CCDC3: variants seen among roughly 807,000 people sequenced by gnomAD.
The protein encoded by CCDC3 is coiled-coil domain containing 3, also known as coiled-coil domain-containing protein 3.
Under a neutral mutation model 21.4 loss-of-function variants are expected in CCDC3, and 24 were observed. The ratio of observed to expected loss-of-function variants is 1.12; its 90% CI spans 0.81 to 1.58. The LOEUF (loss-of-function observed/expected upper bound fraction) is 1.58. Ranked by LOEUF, CCDC3 falls within the 40% of genes most tolerant of loss-of-function variation. The pLI, the probability that CCDC3 is intolerant of heterozygous loss-of-function variation, is 0.00. For missense variants in CCDC3, 425 were observed against 360.9 expected (o/e 1.18, Z -1.44); for synonymous variants, 186 against 166.0 (o/e 1.12, Z -0.93).
intron 4 of CCDC3, among the ~76,000 whole-genome samples, chr10:13,054,017 T>C (rs1004697813): frequency 1.3e-5 from 2 of 151,942 alleles, no homozygotes; most frequent in African/African-American, 4.8e-5. Flanking sequence ...TGGTGGTGCA[T>C]GCCTGTAATC....
intron 2 of CCDC3, among the ~76,000 whole-genome samples, chr10:12,944,423 C>T (rs1403932022): frequency 6.6e-6 from 1 of 152,200 alleles, no homozygotes; most frequent in Non-Finnish European, 1.5e-5. Context: ...AACTGCCAAT[C>T]AGGAAATGTT....
chr10:13,074,797 T>C (rs577693292), intron 3 of CCDC3, among the ~76,000 whole-genome samples: 1 of 152,328 alleles, frequency 6.6e-6, no homozygotes, highest in African/African-American at 2.4e-5. Flanking sequence ...GTGTTCCTGT[T>C]ATTCCACAAT....
At chr10:13,087,578 G>A (rs948515942) in intron 3 of CCDC3, among the ~76,000 whole-genome samples, 2 of 152,060 alleles carry the variant, frequency 1.3e-5, no homozygotes, top group Non-Finnish European at 2.9e-5. Flanking sequence ...ATGGGCGGGT[G>A]AGATCGAAGC....
chr10:12,971,081 GA>G (rs1835335703), intron 2 of CCDC3, among the ~76,000 whole-genome samples: 1 of 152,176 alleles, frequency 6.6e-6, no homozygotes, highest in Non-Finnish European at 1.5e-5. Flanking sequence ...TTGAAGGGAA[GA>G]AAAGCCTTAT....
rs72777432 is a variant in CCDC3, at chr10:12,959,563, C to G, written c.549+38775G>C. Among the ~76,000 whole-genome samples, 600 of 152,278 alleles carry G rather than the reference C, an allele frequency of 3.9e-3. 2 individuals carry two copies. Among genetic ancestry groups the G allele is most frequent in the Non-Finnish European group, 6.3e-3 (427 of 68,016 alleles). On this transcript the variant is annotated intron_variant, in intron 2 of 2. Coordinates refer to ENST00000378825, the MANE Select transcript of CCDC3 (RefSeq NM_031455.4). ...AATTACTAATTACCCAAATACTCCTCTATTTGTGTAGTCAGGGGTCAGGGT... is the reference window on the plus strand; with the variant it reads ...AATTACTAATTACCCAAATACTCCTGTATTTGTGTAGTCAGGGGTCAGGGT...
intron 3 of CCDC3, among the ~76,000 whole-genome samples, chr10:13,093,133 G>A (rs1336437135): frequency 6.7e-6 from 1 of 150,374 alleles, no homozygotes; most frequent in African/African-American, 2.5e-5. Context: ...TCATGCTGCT[G>A]ATAAAGATAT....
At chr10:13,003,939 A>G (rs186528593), upstream of CCDC3, among the ~76,000 whole-genome samples, 2 of 152,326 alleles carry the variant, frequency 1.3e-5, no homozygotes, top group African/African-American at 4.8e-5. Context: ...CCCCTGTAAG[A>G]TCTGGCAGAG....
chr10:12,968,038 G>A lies in CCDC3; in HGVS notation c.549+30300C>T, dbSNP rs374778092. ...ACAAAAATTAGCCAGGTGTGGTGGCGTGTGCCTGTAATCCCAGCTACTCTG... is the reference window on the plus strand; with the variant it reads ...ACAAAAATTAGCCAGGTGTGGTGGCATGTGCCTGTAATCCCAGCTACTCTG... On this transcript the variant is annotated intron_variant, in intron 2 of 2. Coordinates refer to ENST00000378825, the MANE Select transcript of CCDC3 (RefSeq NM_031455.4). Among the ~76,000 whole-genome samples the A allele has an allele frequency of 3.5e-4, 53 of 152,016 alleles. No homozygotes were observed. The Middle Eastern group carries it at 0.01, about 29-fold the overall frequency.
chr10:13,070,675 G>C (rs891319125), intron 4 of CCDC3, among the ~76,000 whole-genome samples: 1 of 152,142 alleles, frequency 6.6e-6, no homozygotes, highest in South Asian at 2.1e-4. Context: ...GCTTTAAAAG[G>C]TCTTATTTGA....
chr10:13,066,691 G>C (rs917053307), intron 4 of CCDC3, among the ~76,000 whole-genome samples: 1 of 148,724 alleles, frequency 6.7e-6, no homozygotes, highest in African/African-American at 2.6e-5. Flanking sequence ...CTTTTGTGCA[G>C]ATGAGGGAAC....
intron 3 of CCDC3, among the ~76,000 whole-genome samples, chr10:13,079,507 A>G (rs1446151903): frequency 6.6e-6 from 1 of 152,168 alleles, no homozygotes; most frequent in Non-Finnish European, 1.5e-5. Flanking sequence ...TGGTTGGGAC[A>G]CATACCAAGG....
chr10:12,902,693 G>A (rs1438998463), intron 2 of CCDC3, among the ~76,000 whole-genome samples: 3 of 152,162 alleles, frequency 2.0e-5, no homozygotes, highest in African/African-American at 2.4e-5. Flanking sequence ...AAAAATAGAG[G>A]AGGATGCTGG....
intron 2 of CCDC3, among the ~76,000 whole-genome samples, chr10:12,916,229 T>C (rs552306501): frequency 3.2e-4 from 49 of 152,164 alleles, no homozygotes; most frequent in Non-Finnish European, 4.7e-4. Flanking sequence ...GGCAGGCGAT[T>C]GAGACCAGCC....
At position 13,001,349 on chromosome 10, in the gene CCDC3, G is replaced by A. The variant is rs746670977; in HGVS notation, c.222C>T (p.Phe74=). The A allele has an allele frequency of 1.9e-6, 3 of 1,602,302 alleles. No homozygotes were observed. Among genetic ancestry groups the A allele is most frequent in the South Asian group, 1.1e-5 (1 of 88,326 alleles). The change falls in exon 1 of 3, where the codon TTC becomes TTT. Residue 74 remains phenylalanine (F), a synonymous_variant. Transcript: ENST00000378825. ...ACAGCATCTCGACCTCGGCCGAGTAGAAGAGGCCCCCCTGGCCGGCGTGGT... is the reference window on the plus strand; with the variant it reads ...ACAGCATCTCGACCTCGGCCGAGTAAAAGAGGCCCCCCTGGCCGGCGTGGT... ...WQYHAGQGGL[F]YSAEVEMLCD...
At chr10:13,000,624 T>C (rs145254648) in intron 1 of CCDC3, among the ~76,000 whole-genome samples, 1 of 152,156 alleles carries the variant, frequency 6.6e-6, no homozygotes, top group South Asian at 2.1e-4. Flanking sequence ...CATTCACATC[T>C]TGGCATTTGA....
At chr10:13,076,656 A>C (rs1836968427) in intron 3 of CCDC3, among the ~76,000 whole-genome samples, 1 of 152,226 alleles carries the variant, frequency 6.6e-6, no homozygotes, top group Non-Finnish European at 1.5e-5. Context: ...ATGTCCTTGT[A>C]CTTTAACCAA....
chr10:12,990,371 C>T (rs150711485), intron 2 of CCDC3, among the ~76,000 whole-genome samples: 1 of 151,904 alleles, frequency 6.6e-6, no homozygotes, highest in African/African-American at 2.4e-5. Context: ...ATGAAGCATA[C>T]ACATAAAGCC....
chr10:13,080,995 G>A (rs373943376), intron 3 of CCDC3, among the ~76,000 whole-genome samples: 112 of 152,322 alleles, frequency 7.4e-4, no homozygotes, highest in Middle Eastern at 3.4e-3. Flanking sequence ...GGTCCCCTAG[G>A]CAACACTAAG....
intron 5 of CCDC3, among the ~76,000 whole-genome samples, chr10:13,037,874 T>C (rs1223650073): frequency 2.6e-5 from 4 of 152,006 alleles, no homozygotes; most frequent in African/African-American, 7.2e-5. Flanking sequence ...TTGGTGAAAC[T>C]GGATGGCATA....
Sources: gnomAD v4.1 joint callset for allele counts (sites outside exome capture counted in the v4.1 genomes callset) on GRCh38, gnomAD v4.1.1 for gene constraint, MANE v1.5 for transcripts, NCBI Gene and HGNC (gene_info 2026-07-23, HGNC 2026-07-21) for gene names.